LY75: variants seen among roughly 807,000 people sequenced by gnomAD.
LY75 encodes the protein lymphocyte antigen 75.
Under a neutral mutation model 231.7 loss-of-function variants are expected in LY75, and 185 were observed. That is an observed-to-expected ratio of 0.80 (90% CI 0.71 to 0.90). The LOEUF (loss-of-function observed/expected upper bound fraction) is 0.90, where lower values mean the gene tolerates loss of function less well. Among genes scored for constraint, LY75 ranks in the 40% least tolerant of loss-of-function variants. The pLI is 0.00. For missense variants in LY75, 1,947 were observed against 2,050.2 expected, an observed-to-expected ratio of 0.95 and a Z score of 0.97; for synonymous variants, 668 against 689.0, an observed-to-expected ratio of 0.97 and a Z score of 0.48.
At chr2:159,830,472 C>T (rs747177408) in intron 28 of LY75, among the ~76,000 whole-genome samples, 10 of 151,776 alleles carry the variant, frequency 6.6e-5, no homozygotes, top group Non-Finnish European at 1.3e-4. Flanking sequence ...CTTGTTTCCT[C>T]TATATTAGAC....
rs78243561 is a variant in LY75, at chr2:159,894,661, C to T, written c.467-577G>A. Among the ~76,000 whole-genome samples, 423 of 152,242 alleles carry T rather than the reference C, an allele frequency of 2.8e-3. 1 individual carries two copies. The highest frequency in any genetic ancestry group is 9.7e-3 in the African/African-American group (402 of 41,522). On this transcript the variant is annotated intron_variant, in intron 2 of 34. Coordinates refer to ENST00000263636, the MANE Select transcript of LY75 (RefSeq NM_002349.4). Reference sequence around the variant, plus strand: ...TTTGAGGAAGTAAAAGGAAGAGCTGCTGAATTTCTGAGCAGATTCTTGGGA... The same window carrying T: ...TTTGAGGAAGTAAAAGGAAGAGCTGTTGAATTTCTGAGCAGATTCTTGGGA...
intron 28 of LY75, among the ~76,000 whole-genome samples, chr2:159,828,040 G>C (rs1162275307): frequency 6.6e-6 from 1 of 151,676 alleles, no homozygotes; most frequent in Non-Finnish European, 1.5e-5. Flanking sequence ...AACCACCATG[G>C]CATGTGTATA....
At chr2:159,858,595 C>A in intron 15 of LY75, 119 bp from the exon 16 acceptor site, 3 of 1,120,632 alleles carry the variant, frequency 2.7e-6, no homozygotes, top group South Asian at 2.0e-5. Context: ...GATATTTGTT[C>A]GATAAATGAA....
chr2:159,852,412 G>GTT (rs36091128), intron 20 of LY75, 72 bp from the exon 21 acceptor site: 2 of 1,459,422 alleles, frequency 1.4e-6, no homozygotes, highest in South Asian at 1.4e-5. Flanking sequence ...TGTTTTGTGT[G>GTT]TTTTTTTTTG....
chr2:159,843,567 C>T (rs1684107911), intron 23 of LY75, among the ~76,000 whole-genome samples: 1 of 151,372 alleles, frequency 6.6e-6, no homozygotes, highest in Non-Finnish European at 1.5e-5. Context: ...CTTATATTGA[C>T]CTTATAAGGT....
intron 1 of LY75, chr2:159,902,888 C>T (rs568169731): frequency 6.6e-6 from 1 of 152,398 alleles, no homozygotes; most frequent in South Asian, 2.1e-4. Context: ...CACCTGGCAT[C>T]TCTCCAAGGA....
chr2:159,854,562 A>C (rs1684493557), intron 17 of LY75, 27 bp from the exon 18 acceptor site: 1 of 1,606,522 alleles, frequency 6.2e-7, no homozygotes, highest in Non-Finnish European at 8.5e-7. Flanking sequence ...AAAAGATTAG[A>C]ATTATGACTA....
chr2:159,808,425 T>C, intron 33 of LY75, 24 bp downstream of exon 33: 1 of 1,613,554 alleles, frequency 6.2e-7, no homozygotes, highest in Non-Finnish European at 8.5e-7. Context: ...CTTTGCACAC[T>C]ACACATACAA....
chr2:159,876,816 G>A (rs1418437874), intron 11 of LY75, among the ~76,000 whole-genome samples: 1 of 151,818 alleles, frequency 6.6e-6, no homozygotes, highest in Non-Finnish European at 1.5e-5. Flanking sequence ...GACCAGCCTG[G>A]CCAAAATGGT....
intron 34 of LY75, among the ~76,000 whole-genome samples, 196 bp downstream of exon 34, chr2:159,806,777 G>A (rs1365367658): frequency 6.6e-6 from 1 of 152,168 alleles, no homozygotes; most frequent in Admixed American, 6.5e-5. Context: ...CTGGAGTCCT[G>A]GACATCTTGT....
At chr2:159,825,575 A>G (rs1341438887) in intron 28 of LY75, among the ~76,000 whole-genome samples, 1 of 152,224 alleles carries the variant, frequency 6.6e-6, no homozygotes, top group Non-Finnish European at 1.5e-5. Flanking sequence ...TCCAAACAAT[A>G]GAAAAAGAGG....
chr2:159,854,367 A>G lies in LY75; in HGVS notation c.2588T>C (p.Ile863Thr). 3 of 1,421,598 alleles carry G rather than the reference A, an allele frequency of 2.1e-6. No homozygotes were observed. The highest frequency in any genetic ancestry group is 2.8e-6 in the Non-Finnish European group (3 of 1,075,890). 88.1% of individuals were successfully genotyped at this position (1,421,598 alleles called of 1,614,324 possible). ...FVGLKAIKNKIANISGDGQKW... is the reference protein window; with the variant it reads ...FVGLKAIKNKTANISGDGQKW... ...TATATTCTTTTAAATTACATTTGCT[A>G]TTTTGTTTTTGATGGCTTTTAGTCC... The change falls in exon 18 of 35, where the codon ATA becomes ACA. Residue 863 changes from isoleucine (I) to threonine (T), a missense_variant. Transcript: ENST00000263636.
intron 12 of LY75, 88 bp from the exon 13 acceptor site, chr2:159,872,681 C>T: frequency 7.0e-7 from 1 of 1,423,560 alleles, no homozygotes; most frequent in Non-Finnish European, 9.5e-7. Context: ...CATGTGTGGG[C>T]CCCTGAAATG....
intron 28 of LY75, among the ~76,000 whole-genome samples, chr2:159,820,590 C>T (rs1001723262): frequency 2.0e-5 from 3 of 152,044 alleles, no homozygotes; most frequent in African/African-American, 4.8e-5. Context: ...GTACACTGCT[C>T]GTGTGATGGG....
chr2:159,834,352 C>T (rs1239184178), intron 26 of LY75, 141 bp from the exon 27 acceptor site: 2 of 1,083,970 alleles, frequency 1.8e-6, no homozygotes, highest in Non-Finnish European at 2.6e-6. Flanking sequence ...TGTTTATACT[C>T]AGATATAGCA....
intron 23 of LY75, among the ~76,000 whole-genome samples, chr2:159,848,123 G>C (rs1306818610): frequency 8.7e-6 from 1 of 115,054 alleles, no homozygotes; most frequent in Non-Finnish European, 1.8e-5. Flanking sequence ...CCATATATAC[G>C]GTATATATAT....
chr2:159,896,394 G>C (rs1225613371), intron 2 of LY75, among the ~76,000 whole-genome samples: 1 of 152,182 alleles, frequency 6.6e-6, no homozygotes, highest in African/African-American at 2.4e-5. Flanking sequence ...TAATGTTCTT[G>C]TATCACAAGT....
intron 12 of LY75, among the ~76,000 whole-genome samples, chr2:159,874,938 A>T (rs1237861214): frequency 1.4e-5 from 2 of 138,572 alleles, no homozygotes; most frequent in Non-Finnish European, 3.1e-5. Context: ...AAATATATAT[A>T]TTGTAAATAT....
chr2:159,832,482 G>GT (rs1405049071), intron 27 of LY75, among the ~76,000 whole-genome samples: 7 of 152,186 alleles, frequency 4.6e-5, no homozygotes, highest in Admixed American at 3.3e-4. Flanking sequence ...AAAAAGGTTG[G>GT]GGACTGCTGG....
Sources: gnomAD v4.1 joint callset for allele counts (sites outside exome capture counted in the v4.1 genomes callset) on GRCh38, gnomAD v4.1.1 for gene constraint, MANE v1.5 for transcripts, NCBI Gene and HGNC (gene_info 2026-07-23, HGNC 2026-07-21) for gene names.